Variants in B4GALT6 observed in about 807,000 individuals in gnomAD.
B4GALT6 encodes UDP-Gal:beta-GlcNAc beta-1,4-galactosyltransferase 6.
In B4GALT6, 14 loss-of-function variants were observed where a neutral mutation model predicts 46.3. The ratio of observed to expected loss-of-function variants is 0.30; its 90% CI spans 0.20 to 0.47. The LOEUF (loss-of-function observed/expected upper bound fraction) is 0.47. B4GALT6 is among the 20% of genes least tolerant of loss of function. The pLI, the probability that B4GALT6 is intolerant of heterozygous loss-of-function variation, is 0.99. For synonymous variants in B4GALT6, 168 were observed against 162.0 expected (o/e 1.04, Z -0.28); for missense variants, 386 against 480.1 (o/e 0.80, Z 1.83).
chr18:31,699,691 C>G, the B4GALT6 span, among the ~76,000 whole-genome samples: 1 of 144,588 alleles, frequency 6.9e-6, no homozygotes, highest in Non-Finnish European at 1.5e-5. Context: ...TCTCAAAGTG[C>G]TAAAGGAAGA....
chr18:31,694,583 G>T, the B4GALT6 span, among the ~76,000 whole-genome samples: 66 of 152,328 alleles, frequency 4.3e-4, no homozygotes, highest in African/African-American at 1.6e-3. Flanking sequence ...AAAGGCCTTT[G>T]CTATAAAGAA....
upstream of B4GALT6, among the ~76,000 whole-genome samples, chr18:31,687,981 TGGG>T (rs142052880): frequency 0.01 from 1,580 of 152,092 alleles, 34 homozygotes; most frequent in African/African-American, 0.035. Context: ...TTCAGTGAAT[TGGG>T]GGGAAGAAAT....
chr18:31,694,788 C>CA, the B4GALT6 span, among the ~76,000 whole-genome samples: 5 of 151,326 alleles, frequency 3.3e-5, no homozygotes, highest in Admixed American at 1.3e-4. Flanking sequence ...CATGAAATTT[C>CA]AAAAAAAAGT....
the B4GALT6 span, among the ~76,000 whole-genome samples, chr18:31,702,953 C>T: frequency 3.9e-5 from 6 of 152,136 alleles, no homozygotes; most frequent in African/African-American, 1.4e-4. Flanking sequence ...GAAACTGCCA[C>T]GAAGAGATGC....
Position 31,638,736 on chromosome 18 carries a change from T to C in B4GALT6, c.496A>G (p.Asn166Asp). 6.2e-7 allele frequency: 1 copy of C among 1,613,958 alleles called. No individual in the cohort carries two copies. The highest frequency in any genetic ancestry group is 8.5e-7 in the Non-Finnish European group (1 of 1,179,874). The stretch of plus-strand genomic sequence containing the variant: ...AAAATTGGAAGATGTTCATGGCGAT[T>C]ACGGAAAGGAATGAGAACTGCCACC... ...WKVAVLIPFR[N>D]RHEHLPIFFL... The change falls in exon 5 of 9, where the codon AAT (asparagine) becomes GAT (aspartate). Residue 166 changes from asparagine (N) to aspartate (D), a missense_variant. Physicochemically the swap from Asn to Asp is conservative, Grantham distance 23. Coordinates refer to ENST00000306851, the MANE Select transcript of B4GALT6 (RefSeq NM_004775.5).
At chr18:31,658,545 C>T (rs1200761806) in intron 2 of B4GALT6, 1 of 153,070 alleles carries the variant, frequency 6.5e-6, no homozygotes, top group Non-Finnish European at 1.5e-5. Flanking sequence ...TGAGATTTAC[C>T]CACTCAACTT....
chr18:31,649,518 A>C (rs1431817059), intron 3 of B4GALT6, among the ~76,000 whole-genome samples: 2 of 151,784 alleles, frequency 1.3e-5, no homozygotes. Context: ...AATATCCAGA[A>C]TCTATAAGGA....
the B4GALT6 span, among the ~76,000 whole-genome samples, chr18:31,717,335 T>C: frequency 6.6e-6 from 1 of 152,104 alleles, no homozygotes; most frequent in Non-Finnish European, 1.5e-5. Context: ...AGTTGTCTCT[T>C]TGAATGAAAG....
the B4GALT6 span, among the ~76,000 whole-genome samples, chr18:31,710,245 A>G: frequency 2.0e-5 from 3 of 152,206 alleles, no homozygotes; most frequent in Non-Finnish European, 4.4e-5. Flanking sequence ...CAAGTAAGTG[A>G]CAAATACTTG....
intron 2 of B4GALT6, among the ~76,000 whole-genome samples, chr18:31,664,931 TTAAAA>T: frequency 6.6e-6 from 1 of 152,298 alleles, no homozygotes; most frequent in African/African-American, 2.4e-5. Context: ...GGTTAAAAAA[TTAAAA>T]TAAAACAAGA....
At chr18:31,721,473 ATG>A in the B4GALT6 span, among the ~76,000 whole-genome samples, 1 of 152,352 alleles carries the variant, frequency 6.6e-6, no homozygotes, top group East Asian at 1.9e-4. Flanking sequence ...AAAAAAAATA[ATG>A]TGTGTCAACT....
intron 3 of B4GALT6, among the ~76,000 whole-genome samples, chr18:31,652,885 T>C (rs1302709372): frequency 6.6e-6 from 1 of 152,176 alleles, no homozygotes; most frequent in African/African-American, 2.4e-5. Flanking sequence ...CCAGTATTTC[T>C]CCATTCTCAC....
chr18:31,639,087 G>A (rs1441342473), intron 4 of B4GALT6, among the ~76,000 whole-genome samples: 5 of 152,208 alleles, frequency 3.3e-5, no homozygotes, highest in African/African-American at 1.2e-4. Context: ...GGGCAGACTG[G>A]AGAAGACCAA....
At chr18:31,714,242 A>G in the B4GALT6 span, among the ~76,000 whole-genome samples, 1 of 152,254 alleles carries the variant, frequency 6.6e-6, no homozygotes, top group Non-Finnish European at 1.5e-5. Context: ...ACGATACAAA[A>G]CATTTCCATC....
At chr18:31,714,912 G>C in the B4GALT6 span, among the ~76,000 whole-genome samples, 1 of 152,170 alleles carries the variant, frequency 6.6e-6, no homozygotes, top group Non-Finnish European at 1.5e-5. Flanking sequence ...TGCTCATGAG[G>C]ATCACCTCCA....
chr18:31,636,807 T>C (rs912506876), intron 5 of B4GALT6, among the ~76,000 whole-genome samples: 2 of 152,214 alleles, frequency 1.3e-5, no homozygotes, highest in African/African-American at 4.8e-5. Flanking sequence ...AATTCTTTTT[T>C]TCAATTTATT....
chr18:31,632,764 A>G (rs1667274), intron 5 of B4GALT6, among the ~76,000 whole-genome samples: 72,449 of 152,112 alleles, frequency 0.48, 18,753 homozygotes, highest in African/African-American at 0.7. Context: ...CAAACTGGGA[A>G]TAACTACAGT....
chr18:31,686,168 T>G (rs1241172557), upstream of B4GALT6: 1 of 152,236 alleles, frequency 6.6e-6, no homozygotes, highest in Non-Finnish European at 1.5e-5. Flanking sequence ...CTTTTTCAAC[T>G]AATCATGCAG....
chr18:31,709,597 GTGTGTGTATA>G, the B4GALT6 span, among the ~76,000 whole-genome samples: 217 of 60,470 alleles, frequency 3.6e-3, 1 homozygote, highest in Middle Eastern at 0.015. Context: ...GTGTGTGTGT[GTGTGTGTATA>G]TATATATCCT....
Sources: allele counts gnomAD v4.1 joint callset (sites outside exome capture counted in the v4.1 genomes callset), GRCh38; gene constraint gnomAD v4.1.1; transcripts MANE v1.5; gene names NCBI Gene and HGNC (gene_info 2026-07-23, HGNC 2026-07-21).